The following AVL9 variants were observed in gnomAD, a reference collection of about 807,000 sequenced individuals.
The protein encoded by AVL9 is AVL9 cell migration associated.
A neutral mutation model predicts 79.2 loss-of-function variants in AVL9; 49 were observed. The observed-to-expected ratio is 0.62, with a 90% CI of 0.49 to 0.79. AVL9 has a LOEUF of 0.79. Among genes scored for constraint, AVL9 ranks in the 30% least tolerant of loss-of-function variants. The probability of loss-of-function intolerance (pLI) is 0.00; values close to 1 mark genes in which losing one functional copy is unlikely to be tolerated. For missense variants in AVL9, 682 were observed against 776.8 expected (o/e 0.88, Z 1.45); for synonymous variants, 299 against 280.6 (o/e 1.07, Z -0.65).
intron 1 of AVL9, among the ~76,000 whole-genome samples, chr7:32,527,137 C>G (rs1306319687): frequency 2.0e-5 from 3 of 152,132 alleles, no homozygotes; most frequent in Admixed American, 6.5e-5. Context: ...AGGATGGGTA[C>G]AAAGATGCCG....
Position 32,548,373 on chromosome 7 carries a change from C to T in AVL9, c.301-474C>T, listed in dbSNP as rs139463974. ...ATGTTGACCAGGCTGGTCTCAAACTCCTGGCCTCAGGTGACCCACCCACCT... is the reference window on the plus strand; with the variant it reads ...ATGTTGACCAGGCTGGTCTCAAACTTCTGGCCTCAGGTGACCCACCCACCT... On this transcript the variant is annotated intron_variant, in intron 3 of 15. Coordinates refer to ENST00000318709, the MANE Select transcript of AVL9 (RefSeq NM_015060.3). Among the ~76,000 whole-genome samples, 643 of 152,134 alleles carry T rather than the reference C, an allele frequency of 4.2e-3. 3 individuals carry two copies. Among genetic ancestry groups the T allele is most frequent in the African/African-American group, 0.013 (539 of 41,522 alleles).
intron 1 of AVL9, among the ~76,000 whole-genome samples, chr7:32,497,983 G>T (rs1786933872): frequency 6.6e-6 from 1 of 152,128 alleles, no homozygotes; most frequent in Admixed American, 6.6e-5. Flanking sequence ...CGCTGAGATT[G>T]TGCATAGGGA....
intron 1 of AVL9, among the ~76,000 whole-genome samples, chr7:32,504,644 A>T (rs1022813462): frequency 4.6e-5 from 7 of 152,188 alleles, no homozygotes; most frequent in Non-Finnish European, 7.3e-5. Flanking sequence ...TTCCACTTCT[A>T]TGATTCTAAG....
chr7:32,578,038 A>G (rs546910285), intron 13 of AVL9, among the ~76,000 whole-genome samples: 143 of 152,318 alleles, frequency 9.4e-4, no homozygotes, highest in African/African-American at 3.3e-3. Flanking sequence ...CCAACAGGGT[A>G]CACAAGTTTA....
At position 32,587,030 on chromosome 7, in the gene AVL9, T is replaced by A. The variant is rs1420391678; in HGVS notation, c.*3123T>A. The A allele has an allele frequency of 6.6e-6, 1 of 152,274 alleles. No homozygotes were observed. The highest frequency in any genetic ancestry group is 1.5e-5 in the Non-Finnish European group (1 of 68,064). 9.4% of individuals were successfully genotyped at this position (152,274 alleles called of 1,614,324 possible). A position where few individuals can be genotyped will look rare whatever the true frequency, so the allele number is the denominator to read the frequency against. On this transcript the variant is annotated 3_prime_UTR_variant, in exon 16 of 16. Coordinates refer to ENST00000318709, the MANE Select transcript of AVL9 (RefSeq NM_015060.3). ...GCCCTAAAACAATTCTCGTCCACTT[T>A]CCTGTTAAGAAACACAGCAGCAATA...
chr7:32,553,838 C>A, intron 7 of AVL9, 71 bp downstream of exon 7: 2 of 1,065,850 alleles, frequency 1.9e-6, no homozygotes, highest in South Asian at 1.4e-5. Context: ...TTAGTGTGCT[C>A]ATTTAACTGC....
chr7:32,544,865 C>A, intron 3 of AVL9, 86 bp downstream of exon 3: 1 of 924,118 alleles, frequency 1.1e-6, no homozygotes, highest in Non-Finnish European at 1.7e-6. Context: ...TTCAGTGGTG[C>A]CTGTAATGTT....
chr7:32,552,860 C>T (rs970923191), intron 6 of AVL9, among the ~76,000 whole-genome samples: 1 of 151,942 alleles, frequency 6.6e-6, no homozygotes, highest in African/African-American at 2.4e-5. Flanking sequence ...CAGCTTAATT[C>T]CCTATCATAA....
chr7:32,575,712 C>T (rs1200112241), intron 12 of AVL9, among the ~76,000 whole-genome samples: 1 of 152,040 alleles, frequency 6.6e-6, no homozygotes, highest in Non-Finnish European at 1.5e-5. Context: ...CTGGCTCAAC[C>T]CTCTTATTTT....
intron 10 of AVL9, among the ~76,000 whole-genome samples, chr7:32,569,669 T>C (rs1270125862): frequency 6.6e-6 from 1 of 152,258 alleles, no homozygotes; most frequent in Admixed American, 6.5e-5. Flanking sequence ...ACGTACTTAC[T>C]AACAGGCTTA....
chr7:32,567,506 A>G (rs1474544351), intron 10 of AVL9, among the ~76,000 whole-genome samples: 1 of 152,140 alleles, frequency 6.6e-6, no homozygotes, highest in African/African-American at 2.4e-5. Context: ...AAGCATCGCT[A>G]ATAAAAAGTC....
chr7:32,564,217 T>C (rs1005803297), intron 10 of AVL9, among the ~76,000 whole-genome samples: 1 of 152,230 alleles, frequency 6.6e-6, no homozygotes, highest in Admixed American at 6.5e-5. Flanking sequence ...AATATCAGTA[T>C]TAAATACGTG....
intron 1 of AVL9, among the ~76,000 whole-genome samples, chr7:32,522,136 G>A (rs1263053582): frequency 1.3e-5 from 2 of 152,230 alleles, no homozygotes; most frequent in African/African-American, 4.8e-5. Flanking sequence ...GGAAATGTGG[G>A]GTTGGAGCCC....
In AVL9 at chr7:32,559,006, G is replaced by A; in HGVS notation, c.757G>A (p.Glu253Lys). The A allele has an allele frequency of 6.2e-7, 1 of 1,613,922 alleles. No homozygotes were observed. The highest frequency in any genetic ancestry group is 1.7e-5 in the Admixed American group (1 of 60,004). ...KSMSEDGGLQ[E>K]SNPCADDFVS... ...TATGTCTGAAGATGGTGGGCTTCAG[G>A]AAAGTAACCCATGTGCAGATGATTT... The change falls in exon 10 of 16, where the codon GAA becomes AAA. Residue 253 changes from glutamate to lysine, a missense_variant. Physicochemically the swap from Glu to Lys is moderately conservative, Grantham distance 56. Coordinates refer to ENST00000318709, the MANE Select transcript of AVL9 (RefSeq NM_015060.3).
At chr7:32,528,854 C>CA (rs1583523756) in intron 1 of AVL9, among the ~76,000 whole-genome samples, 1 of 151,678 alleles carries the variant, frequency 6.6e-6, no homozygotes, top group East Asian at 1.9e-4. Context: ...ACTAAAAATA[C>CA]AAAAAATTAG....
At chr7:32,569,933 T>G in intron 10 of AVL9, 87 bp from the exon 11 acceptor site, 2 of 1,339,926 alleles carry the variant, frequency 1.5e-6, no homozygotes, top group Non-Finnish European at 2.1e-6. Flanking sequence ...AATGGAAGTT[T>G]CTTTTCCTAC....
chr7:32,587,816 T>C lies in AVL9; in HGVS notation c.*3909T>C, dbSNP rs1230939315. Reference sequence around the variant, plus strand: ...TGGACTTCGTAACATTGGAATTGTTTTTCCATAATTTCCGGCATTCCATAA... The same window carrying C: ...TGGACTTCGTAACATTGGAATTGTTCTTCCATAATTTCCGGCATTCCATAA... On this transcript the variant is annotated 3_prime_UTR_variant, in exon 16 of 16. Transcript: ENST00000318709. The C allele has an allele frequency of 6.6e-6, 1 of 152,220 alleles. No homozygotes were observed. Among genetic ancestry groups the C allele is most frequent in the Non-Finnish European group, 1.5e-5 (1 of 68,040 alleles). The allele number at this position is 152,220 out of a possible 1,614,324, so 9.4% of individuals were successfully genotyped here.
intron 1 of AVL9, among the ~76,000 whole-genome samples, chr7:32,510,141 G>GTCCA (rs888136134): frequency 2.7e-5 from 4 of 150,634 alleles, no homozygotes; most frequent in African/African-American, 9.8e-5. Flanking sequence ...GGTGGTGGGA[G>GTCCA]TCCACAGTCC....
intron 1 of AVL9, among the ~76,000 whole-genome samples, chr7:32,524,218 A>G (rs1257678749): frequency 1.3e-5 from 2 of 152,062 alleles, no homozygotes; most frequent in African/African-American, 4.8e-5. Context: ...CTGTCTTATG[A>G]AAATGGGTAT....
Sources: allele counts gnomAD v4.1 joint callset (sites outside exome capture counted in the v4.1 genomes callset), GRCh38; gene constraint gnomAD v4.1.1; transcripts MANE v1.5; gene names NCBI Gene and HGNC (gene_info 2026-07-23, HGNC 2026-07-21).